Variants in TMEM132D observed in about 807,000 individuals in gnomAD.
TMEM132D encodes the protein mature OL transmembrane protein.
TMEM132D carries 21 observed loss-of-function variants against 62.3 expected under a neutral mutation model. That is an observed-to-expected ratio of 0.34 (90% CI 0.24 to 0.49). The LOEUF is 0.49. Among genes scored for constraint, TMEM132D ranks in the 20% least tolerant of loss-of-function variants. The pLI, the probability that TMEM132D is intolerant of heterozygous loss-of-function variation, is 0.99. For missense variants in TMEM132D, 1,346 were observed against 1,402.8 expected, an observed-to-expected ratio of 0.96 and a Z score of 0.65; for synonymous variants, 621 against 575.6, an observed-to-expected ratio of 1.08 and a Z score of -1.13.
chr12:129,690,314 T>C (rs1881033209), intron 2 of TMEM132D, among the ~76,000 whole-genome samples: 1 of 148,364 alleles, frequency 6.7e-6, no homozygotes, highest in Non-Finnish European at 1.5e-5. Context: ...ATGAAATTAA[T>C]AGAAAATAGT....
At chr12:129,389,985 G>A (rs1253122418) in intron 3 of TMEM132D, among the ~76,000 whole-genome samples, 2 of 152,196 alleles carry the variant, frequency 1.3e-5, no homozygotes, top group Admixed American at 6.5e-5. Context: ...TCGTTTCTAG[G>A]AGAGCTGTGA....
chr12:129,574,285 G>A (rs548275685), intron 2 of TMEM132D, among the ~76,000 whole-genome samples: 3 of 151,906 alleles, frequency 2.0e-5, no homozygotes, highest in African/African-American at 4.9e-5. Context: ...TAGGTGATGG[G>A]TATATGGGTG....
intron 2 of TMEM132D, among the ~76,000 whole-genome samples, chr12:129,649,134 G>A (rs893440897): frequency 3.9e-5 from 6 of 152,084 alleles, no homozygotes; most frequent in Non-Finnish European, 8.8e-5. Flanking sequence ...AAGAAACTTC[G>A]CTCAAGTCAC....
At chr12:129,120,451 G>A (rs953902163) in intron 5 of TMEM132D, among the ~76,000 whole-genome samples, 1 of 152,178 alleles carries the variant, frequency 6.6e-6, no homozygotes, top group Admixed American at 6.5e-5. Context: ...CTAATCATGA[G>A]AAAGCACAAG....
At chr12:129,080,455 T>C (rs1874412996) in intron 7 of TMEM132D, among the ~76,000 whole-genome samples, 3 of 152,234 alleles carry the variant, frequency 2.0e-5, no homozygotes, top group South Asian at 2.1e-4. Flanking sequence ...ATGCGACTCC[T>C]GGTCTACGGC....
At chr12:129,780,934 A>G (rs986189428) in intron 1 of TMEM132D, among the ~76,000 whole-genome samples, 1 of 152,166 alleles carries the variant, frequency 6.6e-6, no homozygotes, top group African/African-American at 2.4e-5. Flanking sequence ...TTCGTAGTGA[A>G]TTAATTTCTA....
At chr12:129,840,088 T>A (rs1036650859) in intron 1 of TMEM132D, 21 of 152,214 alleles carry the variant, frequency 1.4e-4, no homozygotes, top group Non-Finnish European at 2.5e-4. Context: ...CATTAAAAAA[T>A]ATGACCTCAA....
At chr12:129,215,953 C>T (rs1158589265) in intron 4 of TMEM132D, among the ~76,000 whole-genome samples, 1 of 152,086 alleles carries the variant, frequency 6.6e-6, no homozygotes, top group Non-Finnish European at 1.5e-5. Context: ...GGGGAAACCG[C>T]CCGAATGCAT....
intron 2 of TMEM132D, among the ~76,000 whole-genome samples, chr12:129,665,336 G>T (rs1280675226): frequency 1.3e-5 from 2 of 152,162 alleles, no homozygotes; most frequent in African/African-American, 2.4e-5. Flanking sequence ...ATTGGAAGCT[G>T]CTCATGTCTT....
At chr12:129,712,186 G>A (rs996800641) in intron 1 of TMEM132D, among the ~76,000 whole-genome samples, 4 of 152,178 alleles carry the variant, frequency 2.6e-5, no homozygotes, top group South Asian at 2.1e-4. Flanking sequence ...GTGCAATGGC[G>A]TGATCTCGGC....
chr12:129,237,346 GAA>G (rs924421508), intron 4 of TMEM132D, among the ~76,000 whole-genome samples: 3 of 151,742 alleles, frequency 2.0e-5, no homozygotes, highest in African/African-American at 7.3e-5. Context: ...TTTAATGCCT[GAA>G]AAAAAATTGA....
intron 1 of TMEM132D, among the ~76,000 whole-genome samples, chr12:129,711,728 C>CA (rs1333520514): frequency 0.17 from 7,574 of 44,532 alleles, 576 homozygotes; most frequent in African/African-American, 0.26. Flanking sequence ...ATTCCATCTC[C>CA]AAAAAAAAAA....
intron 3 of TMEM132D, among the ~76,000 whole-genome samples, chr12:129,526,225 T>G (rs899935890): frequency 6.6e-6 from 1 of 152,286 alleles, no homozygotes; most frequent in South Asian, 2.1e-4. Flanking sequence ...ATGTGTATTC[T>G]TTATAAATTG....
intron 2 of TMEM132D, among the ~76,000 whole-genome samples, chr12:129,562,806 C>G (rs993879995): frequency 1.2e-4 from 18 of 152,266 alleles, no homozygotes; most frequent in African/African-American, 4.3e-4. Flanking sequence ...TCCCAACCTT[C>G]GTTCCACCTG....
In TMEM132D at chr12:129,652,058, C is replaced by G. The variant is rs1358885373; in HGVS notation, c.968+47752G>C. Among the ~76,000 whole-genome samples, 4 of 152,324 alleles carry G rather than the reference C, an allele frequency of 2.6e-5. No individual in the cohort carries two copies. The South Asian group carries it at 6.2e-4, about 24-fold the overall frequency. On this transcript the variant is annotated intron_variant, in intron 2 of 8. Transcript: ENST00000422113. ...AGAACTAAAGCGAGGACCTGCAGCT[C>G]TCAGTCAGCCAGCATAGGAAGAGGC...
chr12:129,156,376 A>C (rs1877246090), intron 5 of TMEM132D, among the ~76,000 whole-genome samples: 2 of 151,928 alleles, frequency 1.3e-5, no homozygotes, highest in African/African-American at 4.8e-5. Context: ...CCCACTCCCA[A>C]TATAATAAAC....
At chr12:129,734,889 G>A (rs1869376775) in intron 1 of TMEM132D, among the ~76,000 whole-genome samples, 1 of 151,960 alleles carries the variant, frequency 6.6e-6, no homozygotes. Context: ...GAAAAGATCA[G>A]AAGACAAGTA....
intron 2 of TMEM132D, among the ~76,000 whole-genome samples, chr12:129,664,943 G>A (rs969599148): frequency 2.0e-5 from 3 of 152,112 alleles, no homozygotes; most frequent in African/African-American, 2.4e-5. Context: ...TCACCACCAC[G>A]AATGTAAATG....
intron 2 of TMEM132D, among the ~76,000 whole-genome samples, chr12:129,641,718 T>G (rs976201118): frequency 1.3e-5 from 2 of 152,098 alleles, no homozygotes; most frequent in African/African-American, 2.4e-5. Flanking sequence ...TCCCATTCCA[T>G]GGGCTCTTGT....
Sources: gnomAD v4.1 joint callset for allele counts (sites outside exome capture counted in the v4.1 genomes callset) on GRCh38, gnomAD v4.1.1 for gene constraint, MANE v1.5 for transcripts, NCBI Gene and HGNC (gene_info 2026-07-23, HGNC 2026-07-21) for gene names.